The following PDE4B variants were observed in gnomAD, a reference collection of about 807,000 sequenced individuals.
PDE4B encodes the protein 3',5'-cyclic-AMP phosphodiesterase 4B.
In PDE4B, 20 loss-of-function variants were observed where a neutral mutation model predicts 82.2. The ratio of observed to expected loss-of-function variants is 0.24; its 90% CI spans 0.17 to 0.35. The LOEUF is 0.35. PDE4B is among the 10% of genes least tolerant of loss of function. The probability of loss-of-function intolerance (pLI) is 1.00; values close to 1 mark genes in which losing one functional copy is unlikely to be tolerated. For synonymous variants in PDE4B, 320 were observed against 318.9 expected, an observed-to-expected ratio of 1.00 and a Z score of -0.04; for missense variants, 655 against 907.2, an observed-to-expected ratio of 0.72 and a Z score of 3.57.
In PDE4B at chr1:66,085,128, A is replaced by G. The variant is rs113675534; in HGVS notation, c.282-162332A>G. Among the ~76,000 whole-genome samples the G allele has an allele frequency of 8.7e-3, 1,331 of 152,210 alleles. 20 individuals are homozygous for G. Among genetic ancestry groups the G allele is most frequent in the African/African-American group, 0.03 (1,247 of 41,544 alleles). ...GTGTGTAGAACGGAATCGCCTGGGGATGCTTGTCAGCATGCACATCCCTGT... is the reference window on the plus strand; with the variant it reads ...GTGTGTAGAACGGAATCGCCTGGGGGTGCTTGTCAGCATGCACATCCCTGT... On this transcript the variant is annotated intron_variant, in intron 3 of 16. Coordinates refer to ENST00000341517, the MANE Select transcript of PDE4B (RefSeq NM_002600.4).
intron 3 of PDE4B, among the ~76,000 whole-genome samples, chr1:65,929,746 C>G (rs1647725961): frequency 6.6e-6 from 1 of 152,168 alleles, no homozygotes; most frequent in South Asian, 2.1e-4. Flanking sequence ...TATAGAGTCA[C>G]TAAACTCCTT....
At position 66,250,611 on chromosome 1, in the gene PDE4B, A is replaced by G. The variant is rs114671064; in HGVS notation, c.476+2957A>G. The stretch of plus-strand genomic sequence containing the variant: ...GATCACCATTGGGTCCCAAAAGGCA[A>G]TTTCAGATGCTTTCCTAGATGTGGC... On this transcript the variant is annotated intron_variant, in intron 4 of 16. Coordinates refer to ENST00000341517, the MANE Select transcript of PDE4B (RefSeq NM_002600.4). Among the ~76,000 whole-genome samples the G allele has an allele frequency of 3.9e-3, 590 of 152,312 alleles. 6 individuals are homozygous for G. The highest frequency in any genetic ancestry group is 0.014 in the African/African-American group (562 of 41,572).
intron 3 of PDE4B, among the ~76,000 whole-genome samples, chr1:66,171,974 G>C (rs1419166589): frequency 6.6e-6 from 1 of 152,186 alleles, no homozygotes; most frequent in African/African-American, 2.4e-5. Context: ...TTCTGTTTAA[G>C]ATTCAGGGAG....
At chr1:66,358,018 T>A (rs1216205800) in intron 9 of PDE4B, among the ~76,000 whole-genome samples, 1 of 152,230 alleles carries the variant, frequency 6.6e-6, no homozygotes, top group African/African-American at 2.4e-5. Flanking sequence ...CTTAGTCTTA[T>A]CCTGTGAGCA....
chr1:66,286,117 T>C (rs991959038), intron 7 of PDE4B, among the ~76,000 whole-genome samples: 3 of 152,204 alleles, frequency 2.0e-5, no homozygotes, highest in African/African-American at 7.2e-5. Context: ...TTCTTTTCCT[T>C]GGCCCATGAG....
At chr1:65,859,546 G>A (rs114095804) in intron 1 of PDE4B, among the ~76,000 whole-genome samples, 34 of 152,054 alleles carry the variant, frequency 2.2e-4, no homozygotes, top group Admixed American at 4.6e-4. Flanking sequence ...TTAAAATTTG[G>A]TATTCAGTTT....
intron 3 of PDE4B, among the ~76,000 whole-genome samples, chr1:66,118,645 A>G (rs1363004992): frequency 6.6e-6 from 1 of 152,136 alleles, no homozygotes; most frequent in African/African-American, 2.4e-5. Context: ...CAGCACACCA[A>G]CATGGTACAT....
At chr1:65,901,909 A>C (rs1646975731) in intron 1 of PDE4B, among the ~76,000 whole-genome samples, 1 of 151,614 alleles carries the variant, frequency 6.6e-6, no homozygotes, top group South Asian at 2.1e-4. Flanking sequence ...GATCTTTTTA[A>C]CTTCTTGGTT....
At chr1:66,188,204 T>C (rs1239350825) in intron 3 of PDE4B, among the ~76,000 whole-genome samples, 1 of 152,072 alleles carries the variant, frequency 6.6e-6, no homozygotes. Context: ...GAGAGACAGT[T>C]TGTTATAATT....
chr1:66,351,273 G>A (rs972710589), intron 8 of PDE4B, among the ~76,000 whole-genome samples: 3 of 152,228 alleles, frequency 2.0e-5, no homozygotes, highest in Non-Finnish European at 2.9e-5. Context: ...AGGGAAAATA[G>A]TATCTGTGTA....
intron 3 of PDE4B, among the ~76,000 whole-genome samples, chr1:66,148,505 C>A (rs1400536138): frequency 6.6e-6 from 1 of 151,986 alleles, no homozygotes; most frequent in East Asian, 1.9e-4. Flanking sequence ...TTATAATTTG[C>A]AAAGCATAAA....
chr1:66,179,255 C>T (rs1468879775), intron 3 of PDE4B, among the ~76,000 whole-genome samples: 2 of 152,126 alleles, frequency 1.3e-5, no homozygotes, highest in African/African-American at 4.8e-5. Context: ...TCTCAAAGCA[C>T]CATCATATAG....
intron 1 of PDE4B, among the ~76,000 whole-genome samples, chr1:65,815,668 A>G (rs1645874717): frequency 6.6e-6 from 1 of 152,214 alleles, no homozygotes; most frequent in Admixed American, 6.5e-5. Flanking sequence ...GTTTCTGTTC[A>G]ATAAAATTTG....
At chr1:65,896,597 T>C (rs1055829418) in intron 1 of PDE4B, among the ~76,000 whole-genome samples, 3 of 152,186 alleles carry the variant, frequency 2.0e-5, no homozygotes, top group African/African-American at 7.2e-5. Flanking sequence ...GAAATAGTTA[T>C]TGGTTCCTAT....
chr1:66,334,845 G>A (rs764223775), intron 8 of PDE4B, among the ~76,000 whole-genome samples: 17 of 152,154 alleles, frequency 1.1e-4, no homozygotes, highest in African/African-American at 1.7e-4. Context: ...GGTGGCTCAC[G>A]CCTGTAATCC....
At chr1:66,309,138 A>T (rs1469359737) in intron 7 of PDE4B, among the ~76,000 whole-genome samples, 2 of 152,314 alleles carry the variant, frequency 1.3e-5, no homozygotes, top group East Asian at 3.9e-4. Context: ...ATGTACACTT[A>T]GTCCTGGAAG....
At chr1:65,889,584 T>A (rs1260876874) in intron 1 of PDE4B, among the ~76,000 whole-genome samples, 1 of 152,198 alleles carries the variant, frequency 6.6e-6, no homozygotes, top group African/African-American at 2.4e-5. Flanking sequence ...TGTTTGGAAT[T>A]GAAGCCAAGG....
intron 3 of PDE4B, among the ~76,000 whole-genome samples, chr1:66,122,245 A>G (rs972179173): frequency 2.6e-5 from 4 of 152,228 alleles, no homozygotes; most frequent in Admixed American, 1.3e-4. Context: ...GTGTTAACAC[A>G]TGCAAAACAC....
intron 3 of PDE4B, among the ~76,000 whole-genome samples, chr1:66,000,488 G>A (rs758054363): frequency 1.3e-5 from 2 of 152,106 alleles, no homozygotes; most frequent in Non-Finnish European, 2.9e-5. Context: ...TCACTGAGAG[G>A]GAAACTGTTC....
Sources: allele counts gnomAD v4.1 joint callset (sites outside exome capture counted in the v4.1 genomes callset), GRCh38; gene constraint gnomAD v4.1.1; transcripts MANE v1.5; gene names NCBI Gene and HGNC (gene_info 2026-07-23, HGNC 2026-07-21).